Variants in RIGI observed in about 807,000 individuals in gnomAD.
RIGI encodes the protein antiviral innate immune response receptor RIG-I.
the RIGI span, chr9:32,457,131 C>T: frequency 6.2e-7 from 1 of 1,612,514 alleles, no homozygotes; most frequent in Non-Finnish European, 8.5e-7. Flanking sequence ...ATCATTTGGA[C>T]ATTTCTGCTG....
chr9:32,495,804 C>T, the RIGI span, among the ~76,000 whole-genome samples: 3 of 151,884 alleles, frequency 2.0e-5, no homozygotes, highest in Non-Finnish European at 2.9e-5. Context: ...GGACTACAGG[C>T]GTGTGACACC....
chr9:32,520,730 C>T, the RIGI span, among the ~76,000 whole-genome samples: 1 of 152,106 alleles, frequency 6.6e-6, no homozygotes, highest in African/African-American at 2.4e-5. Flanking sequence ...AATGTCTGGG[C>T]CCCTGTGTCA....
the RIGI span, among the ~76,000 whole-genome samples, chr9:32,513,659 T>C: frequency 3.9e-5 from 6 of 152,150 alleles, no homozygotes; most frequent in Admixed American, 2.0e-4. Context: ...ATTCAGGACA[T>C]AGGCACGGGC....
At chr9:32,462,440 A>AT in the RIGI span, among the ~76,000 whole-genome samples, 1 of 108,422 alleles carries the variant, frequency 9.2e-6, no homozygotes, top group Non-Finnish European at 1.7e-5. Flanking sequence ...ACAGAGTCTC[A>AT]TTTTGTCACC....
At chr9:32,504,829 A>G in the RIGI span, among the ~76,000 whole-genome samples, 10 of 137,716 alleles carry the variant, frequency 7.3e-5, no homozygotes, top group Admixed American at 7.8e-4. Flanking sequence ...TTTAATACAT[A>G]AAATATATAA....
the RIGI span, among the ~76,000 whole-genome samples, chr9:32,514,693 C>T: frequency 6.6e-6 from 1 of 152,166 alleles, no homozygotes; most frequent in Non-Finnish European, 1.5e-5. Context: ...CCTGCACGTT[C>T]TGCACATGTG....
At chr9:32,487,465 A>G in the RIGI span, 4 of 1,613,750 alleles carry the variant, frequency 2.5e-6, no homozygotes, top group Admixed American at 5.0e-5. Context: ...ATTGGATCCA[A>G]CTTACACTTC....
At chr9:32,525,452 T>C in the RIGI span, among the ~76,000 whole-genome samples, 3,700 of 152,266 alleles carry the variant, frequency 0.024, 139 homozygotes, top group African/African-American at 0.083. Context: ...CAGCACAAAG[T>C]AATTCGATAC....
the RIGI span, among the ~76,000 whole-genome samples, chr9:32,502,425 T>C: frequency 6.6e-6 from 1 of 152,220 alleles, no homozygotes; most frequent in Admixed American, 6.5e-5. Context: ...TTATAGGGAA[T>C]TGTCAAACCA....
At chr9:32,502,012 GTCAT>G in the RIGI span, among the ~76,000 whole-genome samples, 1 of 152,106 alleles carries the variant, frequency 6.6e-6, no homozygotes, top group Non-Finnish European at 1.5e-5. Flanking sequence ...TCCATTAGCA[GTCAT>G]TCCCTACTCT....
At chr9:32,476,461 C>T in the RIGI span, among the ~76,000 whole-genome samples, 4 of 152,004 alleles carry the variant, frequency 2.6e-5, no homozygotes, top group African/African-American at 9.7e-5. Context: ...GCCATGACTG[C>T]ACCACTGCAT....
chr9:32,488,522 ATTT>A, the RIGI span, among the ~76,000 whole-genome samples: 1 of 152,224 alleles, frequency 6.6e-6, no homozygotes, highest in Admixed American at 6.5e-5. Flanking sequence ...TCCTGAAGTC[ATTT>A]ACTCCCCATA....
the RIGI span, among the ~76,000 whole-genome samples, chr9:32,491,144 T>C: frequency 4.6e-5 from 7 of 152,336 alleles, no homozygotes; most frequent in Admixed American, 4.6e-4. Flanking sequence ...ATTCTAAATA[T>C]AGAAAAAGTA....
chr9:32,463,676 G>C, the RIGI span, among the ~76,000 whole-genome samples: 1 of 151,920 alleles, frequency 6.6e-6, no homozygotes, highest in African/African-American at 2.4e-5. Context: ...CATAAGTTAA[G>C]TCTATGGCAT....
At chr9:32,507,459 C>T in the RIGI span, among the ~76,000 whole-genome samples, 2 of 151,830 alleles carry the variant, frequency 1.3e-5, no homozygotes, top group Non-Finnish European at 2.9e-5. Flanking sequence ...TCTTATAATT[C>T]CCATATTTCT....
the RIGI span, among the ~76,000 whole-genome samples, chr9:32,510,070 C>T: frequency 1.3e-5 from 2 of 151,742 alleles, no homozygotes; most frequent in African/African-American, 2.4e-5. Flanking sequence ...ACAAAGCTTC[C>T]AAGAAATATG....
At chr9:32,524,306 CTTATT>C in the RIGI span, among the ~76,000 whole-genome samples, 4 of 152,108 alleles carry the variant, frequency 2.6e-5, no homozygotes, top group East Asian at 1.9e-4. Context: ...ACACGAGTTG[CTTATT>C]TTATTCCATC....
At chr9:32,490,328 C>T in the RIGI span, among the ~76,000 whole-genome samples, 1 of 152,180 alleles carries the variant, frequency 6.6e-6, no homozygotes, top group Non-Finnish European at 1.5e-5. Context: ...GAGATTGTGC[C>T]ACTGCACGCC....
At chr9:32,465,552 C>A in the RIGI span, among the ~76,000 whole-genome samples, 1 of 152,116 alleles carries the variant, frequency 6.6e-6, no homozygotes, top group East Asian at 1.9e-4. Flanking sequence ...ATCCTCATGA[C>A]CACCCTGGGA....
Sources: allele counts gnomAD v4.1 joint callset (sites outside exome capture counted in the v4.1 genomes callset), GRCh38; gene constraint gnomAD v4.1.1; transcripts MANE v1.5; gene names NCBI Gene and HGNC (gene_info 2026-07-23, HGNC 2026-07-21).